PTPRG: variants seen among roughly 807,000 people sequenced by gnomAD.
The protein encoded by PTPRG is protein tyrosine phosphatase receptor type G.
A neutral mutation model predicts 165.3 loss-of-function variants in PTPRG; 102 were observed. The ratio of observed to expected loss-of-function variants is 0.62; its 90% CI spans 0.53 to 0.73. The LOEUF is 0.73. Among genes scored for constraint, PTPRG ranks in the 30% least tolerant of loss-of-function variants. PTPRG has a pLI of 0.00. For missense variants in PTPRG, 1,866 were observed against 1,861.4 expected (o/e 1.00, Z -0.05); for synonymous variants, 675 against 669.5 (o/e 1.01, Z -0.13).
chr3:62,017,476 C>T (rs892028721), intron 4 of PTPRG, among the ~76,000 whole-genome samples: 6 of 151,246 alleles, frequency 4.0e-5, no homozygotes, highest in Non-Finnish European at 7.4e-5. Context: ...AGTGCAGTGG[C>T]GCTGTCTTGG....
chr3:62,125,595 C>T (rs1703259109), intron 5 of PTPRG, among the ~76,000 whole-genome samples: 1 of 152,070 alleles, frequency 6.6e-6, no homozygotes, highest in East Asian at 1.9e-4. Flanking sequence ...TCCAGCACTG[C>T]CACACAGAAT....
chr3:61,855,991 T>G (rs1020900759), intron 2 of PTPRG, among the ~76,000 whole-genome samples: 1 of 152,150 alleles, frequency 6.6e-6, no homozygotes, highest in Non-Finnish European at 1.5e-5. Flanking sequence ...TCTTCCTATT[T>G]CCAGAAGAAC....
Position 61,707,821 on chromosome 3 carries a change from C to T in PTPRG, c.86-41057C>T, listed in dbSNP as rs2031340211. ...TTATTATTTTTGAGACAGGGTCTCCCTTTGTTGCCTAGGCTGGAGTGCAGT... is the reference window on the plus strand; with the variant it reads ...TTATTATTTTTGAGACAGGGTCTCCTTTTGTTGCCTAGGCTGGAGTGCAGT... On this transcript the variant is annotated intron_variant, in intron 1 of 29. Coordinates refer to ENST00000474889, the MANE Select transcript of PTPRG (RefSeq NM_002841.4). 2.0e-5 allele frequency among the ~76,000 whole-genome samples: 3 copies of T among 152,054 alleles called. No individual in the cohort carries two copies. In the South Asian group the frequency reaches 6.2e-4, roughly 32 times the overall value.
intron 2 of PTPRG, among the ~76,000 whole-genome samples, chr3:61,868,577 T>C (rs916937183): frequency 6.6e-6 from 1 of 152,214 alleles, no homozygotes; most frequent in Non-Finnish European, 1.5e-5. Flanking sequence ...TTTTAAATTT[T>C]CCTTGTGTGA....
At chr3:61,908,668 A>G (rs1313124624) in intron 2 of PTPRG, among the ~76,000 whole-genome samples, 7 of 152,186 alleles carry the variant, frequency 4.6e-5, no homozygotes, top group Admixed American at 3.9e-4. Context: ...AAGAAAGCAA[A>G]CATGAATTAA....
At chr3:61,986,675 A>G (rs1341856734) in intron 2 of PTPRG, among the ~76,000 whole-genome samples, 1 of 152,124 alleles carries the variant, frequency 6.6e-6, no homozygotes, top group Non-Finnish European at 1.5e-5. Flanking sequence ...TTCCCTTTTG[A>G]GAACACGGAC....
intron 1 of PTPRG, among the ~76,000 whole-genome samples, chr3:61,610,638 A>G (rs1701137483): frequency 6.6e-6 from 1 of 152,252 alleles, no homozygotes; most frequent in Admixed American, 6.5e-5. Flanking sequence ...TGCAGCATTT[A>G]ATAAGACAAA....
chr3:62,288,909 T>TGA (rs1702771496), intron 28 of PTPRG, among the ~76,000 whole-genome samples: 1 of 152,194 alleles, frequency 6.6e-6, no homozygotes, highest in Non-Finnish European at 1.5e-5. Flanking sequence ...TGGTGTCTGT[T>TGA]TAACATTTTC....
chr3:61,827,360 G>T (rs1167835157), intron 2 of PTPRG, among the ~76,000 whole-genome samples: 1 of 152,206 alleles, frequency 6.6e-6, no homozygotes, highest in Non-Finnish European at 1.5e-5. Flanking sequence ...TTTCGGAGAA[G>T]GGTTTCAATC....
Position 62,292,442 on chromosome 3 carries a change from A to T in PTPRG, c.4077A>T (p.Gly1359=). 1 of 1,613,010 alleles carries T rather than the reference A, an allele frequency of 6.2e-7. No homozygotes were observed. The highest frequency in any genetic ancestry group is 1.1e-5 in the South Asian group (1 of 90,938). Residue 1359 remains glycine (G), a synonymous_variant, in exon 29 of 30, where the codon GGA becomes GGT. Coordinates refer to ENST00000474889, the MANE Select transcript of PTPRG (RefSeq NM_002841.4). Reference sequence around the variant, plus strand: ...CCAGGTATGGAGCAGTTTCAGCAGGAATGTTATGTGCCCTTACCACCCTGT... The same window carrying T: ...CCAGGTATGGAGCAGTTTCAGCAGGTATGTTATGTGCCCTTACCACCCTGT... The part of the protein sequence containing the change: ...VHDEYGAVSA[G]MLCALTTLSQ...
intron 24 of PTPRG, 100 bp from the exon 25 acceptor site, chr3:62,276,872 C>A: frequency 1.2e-6 from 1 of 848,204 alleles, no homozygotes; most frequent in South Asian, 1.6e-5. Context: ...AAAGGGAAGC[C>A]AGGAGGATAT....
chr3:61,601,081 C>T (rs1575529618), intron 1 of PTPRG, among the ~76,000 whole-genome samples: 1 of 152,234 alleles, frequency 6.6e-6, no homozygotes, highest in African/African-American at 2.4e-5. Context: ...ATGACATAAC[C>T]CTGTCTCTAC....
At chr3:61,738,844 G>A (rs1446712011) in intron 1 of PTPRG, among the ~76,000 whole-genome samples, 2 of 151,918 alleles carry the variant, frequency 1.3e-5, no homozygotes, top group African/African-American at 2.4e-5. Context: ...GTGCCATCAC[G>A]GCTCATGGCA....
rs538698784 is a variant in PTPRG at position 61,890,735 on chromosome 3, C to T, written c.191-98890C>T. ...AAACCCAACTTGAGCCCTACTCCAG[C>T]CTTCAGGTTTGAAATCCATGTCAGT... On this transcript the variant is annotated intron_variant, in intron 2 of 29. Coordinates refer to ENST00000474889, the MANE Select transcript of PTPRG (RefSeq NM_002841.4). Among the ~76,000 whole-genome samples the T allele has an allele frequency of 7.2e-5, 11 of 152,244 alleles. No individual in the cohort carries two copies. The East Asian group carries it at 2.1e-3, about 29-fold the overall frequency.
chr3:62,207,759 GGAA>G (rs1018559268), intron 12 of PTPRG, among the ~76,000 whole-genome samples: 9 of 152,120 alleles, frequency 5.9e-5, no homozygotes, highest in South Asian at 2.1e-4. Context: ...TATCTCCCAG[GGAA>G]GAAGAAGAAG....
rs946855116 is a variant in PTPRG at position 62,214,820 on chromosome 3, T to C, written c.2156-4031T>C. Among the ~76,000 whole-genome samples, 2 of 152,208 alleles carry C rather than the reference T, an allele frequency of 1.3e-5. No homozygotes were observed. The highest frequency in any genetic ancestry group is 2.9e-5 in the Non-Finnish European group (2 of 68,034). On this transcript the variant is annotated intron_variant, in intron 12 of 29. Coordinates refer to ENST00000474889, the MANE Select transcript of PTPRG (RefSeq NM_002841.4). The surrounding 1 kb of genome is among the most constrained non-coding windows in gnomAD (Gnocchi z 5.2). ...TCCAGGCCCAAACTGGTTTAAGTTATTGGTTAAAAGTCACACAGAAAATGG... is the reference window on the plus strand; with the variant it reads ...TCCAGGCCCAAACTGGTTTAAGTTACTGGTTAAAAGTCACACAGAAAATGG...
At chr3:62,121,699 C>A (rs369395649) in intron 5 of PTPRG, among the ~76,000 whole-genome samples, 2 of 152,208 alleles carry the variant, frequency 1.3e-5, no homozygotes, top group African/African-American at 4.8e-5. Context: ...ACCACCCTCT[C>A]CCCTACTGGG....
chr3:62,065,467 C>T (rs1293263790), intron 4 of PTPRG, among the ~76,000 whole-genome samples: 1 of 152,170 alleles, frequency 6.6e-6, no homozygotes, highest in Non-Finnish European at 1.5e-5. Context: ...CCACCTTTGG[C>T]AGTCTTTCAG....
chr3:61,962,586 A>G (rs2040179427), intron 2 of PTPRG, among the ~76,000 whole-genome samples: 1 of 152,240 alleles, frequency 6.6e-6, no homozygotes, highest in South Asian at 2.1e-4. Flanking sequence ...TTTCTGAAGA[A>G]CAAACACACC....
Sources: allele counts gnomAD v4.1 joint callset (sites outside exome capture counted in the v4.1 genomes callset), GRCh38; gene constraint gnomAD v4.1.1; non-coding constraint Gnocchi (gnomAD v3.1); transcripts MANE v1.5; gene names NCBI Gene and HGNC (gene_info 2026-07-23, HGNC 2026-07-21).